The following FGF13 variants were observed in gnomAD, a reference collection of about 807,000 sequenced individuals.
FGF13 encodes fibroblast growth factor 13.
Under a neutral mutation model 19.5 loss-of-function variants are expected in FGF13, and 2 were observed. The ratio of observed to expected loss-of-function variants is 0.10; its 90% CI spans 0.04 to 0.32. The LOEUF (loss-of-function observed/expected upper bound fraction) is 0.32, where lower values mean the gene tolerates loss of function less well. Ranked by LOEUF, FGF13 falls within the 10% of genes least tolerant of loss-of-function variation. FGF13 has a pLI of 1.00. For synonymous variants in FGF13, 72 were observed against 76.9 expected (o/e 0.94, Z 0.33); for missense variants, 113 against 192.7 (o/e 0.59, Z 2.45).
At chrX:138,831,115 A>G (rs747723691) in intron 3 of FGF13, among the ~76,000 whole-genome samples, 1 of 111,732 alleles carries the variant, frequency 8.9e-6, no homozygotes, top group Admixed American at 9.5e-5. Context: ...CAAGCCATAC[A>G]TGTTAGCAGC....
chrX:138,887,569 C>T (rs1320606238), intron 1 of FGF13, among the ~76,000 whole-genome samples: 1 of 111,531 alleles, frequency 9.0e-6, no homozygotes, highest in Non-Finnish European at 1.9e-5. Context: ...CAGATAAACT[C>T]CCGCTACTTC....
At chrX:138,764,235 C>A in intron 3 of FGF13, among the ~76,000 whole-genome samples, 1 of 112,088 alleles carries the variant, frequency 8.9e-6, no homozygotes, top group African/African-American at 3.2e-5. Context: ...AACCTCAACA[C>A]GAGGGGCTGC....
At chrX:139,067,082 C>A (rs1038959266) in intron 1 of FGF13, among the ~76,000 whole-genome samples, 1 of 111,561 alleles carries the variant, frequency 9.0e-6, no homozygotes, top group Admixed American at 9.5e-5. Context: ...AATTGAACAC[C>A]TCTTCATGCT....
downstream of FGF13, among the ~76,000 whole-genome samples, chrX:138,855,339 T>G (rs2091251333): frequency 9.0e-6 from 1 of 111,659 alleles, no homozygotes; most frequent in Non-Finnish European, 1.9e-5. Context: ...GTGTTTTCAT[T>G]TTAAGGTCTG....
chrX:139,043,938 ATAGAT>A (rs1458362666), intron 1 of FGF13, among the ~76,000 whole-genome samples: 1 of 111,821 alleles, frequency 8.9e-6, no homozygotes, highest in Non-Finnish European at 1.9e-5. Flanking sequence ...CAGAGATAAA[ATAGAT>A]TAGAGCTTAC....
At chrX:139,032,050 C>G (rs896320338) in intron 1 of FGF13, among the ~76,000 whole-genome samples, 3 of 111,077 alleles carry the variant, frequency 2.7e-5, no homozygotes, top group East Asian at 5.7e-4. Flanking sequence ...GTTGAGCAAA[C>G]AGAAGATGCA....
chrX:138,720,953 T>C (rs1047125859), intron 1 of FGF13, among the ~76,000 whole-genome samples: 1 of 111,905 alleles, frequency 8.9e-6, no homozygotes, highest in Non-Finnish European at 1.9e-5. Flanking sequence ...CTGATGAACA[T>C]TTGTAAGTTT....
chrX:139,097,054 T>C (rs1445994646), intron 1 of FGF13, among the ~76,000 whole-genome samples: 3 of 111,797 alleles, frequency 2.7e-5, no homozygotes, highest in Non-Finnish European at 3.8e-5. Context: ...GCATAACTTG[T>C]GATCATAAAT....
rs911585114 is a variant in FGF13, at chrX:138,621,790, A to G, written c.*11060T>C. On this transcript the variant is annotated 3_prime_UTR_variant, in exon 5 of 5. Coordinates refer to ENST00000315930, the MANE Select transcript of FGF13 (RefSeq NM_004114.5). ...TTACAACTGATACCATAGAAATATA[A>G]ATGATCATTAGAGACTATTATGAAC... 1.8e-5 allele frequency: 2 copies of G among 111,404 alleles called. No individual in the cohort carries two copies. The highest frequency in any genetic ancestry group is 3.8e-5 in the Non-Finnish European group (2 of 52,963). 9.2% of individuals were successfully genotyped at this position (111,404 alleles called of 1,213,427 possible).
At chrX:139,102,745 G>A (rs1259340963) in intron 1 of FGF13, among the ~76,000 whole-genome samples, 2 of 112,316 alleles carry the variant, frequency 1.8e-5, no homozygotes, top group Non-Finnish European at 1.9e-5. Context: ...ACATGCTGAC[G>A]GCCAAATGGG....
At chrX:139,020,428 T>C (rs1158770295) in intron 1 of FGF13, among the ~76,000 whole-genome samples, 1 of 111,056 alleles carries the variant, frequency 9.0e-6, no homozygotes, top group Non-Finnish European at 1.9e-5. Context: ...TTTGGTCCCA[T>C]GCTGCTTGGT....
At chrX:139,187,246 A>G (rs2084289573) in intron 1 of FGF13, among the ~76,000 whole-genome samples, 1 of 112,860 alleles carries the variant, frequency 8.9e-6, no homozygotes, top group Non-Finnish European at 1.9e-5. Flanking sequence ...GAAAGTCAAC[A>G]TGAGTGATAT....
intron 1 of FGF13, among the ~76,000 whole-genome samples, chrX:139,010,211 T>A (rs1037397331): frequency 9.0e-6 from 1 of 111,411 alleles, no homozygotes; most frequent in African/African-American, 3.3e-5. Context: ...AGTGGGTGAC[T>A]TCAGTAATCC....
At chrX:139,172,255 G>A (rs180953565) in intron 1 of FGF13, among the ~76,000 whole-genome samples, 96 of 112,097 alleles carry the variant, frequency 8.6e-4, no homozygotes, top group African/African-American at 2.8e-3. Context: ...TGAGTGAAAA[G>A]TTACATGTGA....
intron 1 of FGF13, among the ~76,000 whole-genome samples, chrX:139,198,550 A>C (rs1003213112): frequency 1.8e-5 from 2 of 112,110 alleles, no homozygotes; most frequent in African/African-American, 6.5e-5. Context: ...TCAATGCTAA[A>C]AGTAATTTCA....
intron 3 of FGF13, among the ~76,000 whole-genome samples, chrX:138,663,283 A>G (rs1340197762): frequency 9.0e-6 from 1 of 111,618 alleles, no homozygotes; most frequent in African/African-American, 3.3e-5. Flanking sequence ...GATAGGGAGG[A>G]GGCAGTCAGA....
At chrX:138,865,323 T>G (rs2091312275) in intron 1 of FGF13, among the ~76,000 whole-genome samples, 2 of 111,685 alleles carry the variant, frequency 1.8e-5, no homozygotes, top group African/African-American at 6.5e-5. Context: ...GCCTGAGCAC[T>G]GGTAGGTTTC....
Position 138,657,157 on chromosome X carries a change from T to TA in FGF13, c.403-21503dup, listed in dbSNP as rs944195801. On this transcript the variant is annotated intron_variant, in intron 3 of 4. Transcript: ENST00000315930. ...TTTAGGAATTATTGGAAATCAATTT[T>TA]AGAAAAAAAAAGCCAATTAATTGGC... 1.3e-4 allele frequency among the ~76,000 whole-genome samples: 14 copies of TA among 110,523 alleles called. No homozygotes were observed. In the South Asian group the frequency reaches 2.3e-3, roughly 18 times the overall value.
chrX:139,161,634 T>A (rs2084034985), intron 1 of FGF13, among the ~76,000 whole-genome samples: 1 of 112,025 alleles, frequency 8.9e-6, no homozygotes, highest in Admixed American at 9.5e-5. Flanking sequence ...ATGACATGAT[T>A]GTAAATTTAG....
Sources: allele counts gnomAD v4.1 joint callset (sites outside exome capture counted in the v4.1 genomes callset), GRCh38; gene constraint gnomAD v4.1.1; transcripts MANE v1.5; gene names NCBI Gene and HGNC (gene_info 2026-07-23, HGNC 2026-07-21).